Variants in TSHZ2 observed in about 807,000 individuals in gnomAD.
The protein encoded by TSHZ2 is teashirt homolog 2.
TSHZ2 carries 21 observed loss-of-function variants against 74.4 expected under a neutral mutation model. That is an observed-to-expected ratio of 0.28 (90% CI 0.20 to 0.41). TSHZ2 has a LOEUF of 0.41. TSHZ2 is among the 10% of genes least tolerant of loss of function. The pLI is 1.00. For synonymous variants in TSHZ2, 540 were observed against 515.3 expected (o/e 1.05, Z -0.65); for missense variants, 1,244 against 1,293.5 (o/e 0.96, Z 0.59).
intron 2 of TSHZ2, among the ~76,000 whole-genome samples, chr20:53,300,743 T>C (rs1991463222): frequency 6.6e-6 from 1 of 152,166 alleles, no homozygotes; most frequent in Non-Finnish European, 1.5e-5. Context: ...GTTTCAAATA[T>C]GTTTCTGAGA....
chr20:53,184,469 C>T (rs1988554804), intron 1 of TSHZ2, among the ~76,000 whole-genome samples: 1 of 151,984 alleles, frequency 6.6e-6, no homozygotes, highest in Non-Finnish European at 1.5e-5. Context: ...TTTAAAATGA[C>T]AGAAGCAAAA....
chr20:53,081,289 A>G (rs993576034), intron 1 of TSHZ2, among the ~76,000 whole-genome samples: 6 of 152,154 alleles, frequency 3.9e-5, no homozygotes, highest in East Asian at 1.9e-4. Context: ...TCAAACTCCC[A>G]AAGTCCTGAA....
intron 2 of TSHZ2, among the ~76,000 whole-genome samples, chr20:53,432,547 A>T (rs1158970361): frequency 6.6e-6 from 1 of 152,224 alleles, no homozygotes; most frequent in Non-Finnish European, 1.5e-5. Flanking sequence ...AGAAACCTCC[A>T]TACTATTTTC....
At chr20:53,416,086 C>T (rs550228279) in intron 2 of TSHZ2, among the ~76,000 whole-genome samples, 32 of 152,090 alleles carry the variant, frequency 2.1e-4, no homozygotes, top group African/African-American at 6.8e-4. Flanking sequence ...CTGGCACCCA[C>T]GTGAAGGGCA....
chr20:53,263,701 G>A (rs751495890), intron 2 of TSHZ2, among the ~76,000 whole-genome samples: 2 of 152,190 alleles, frequency 1.3e-5, no homozygotes, highest in Admixed American at 6.5e-5. Flanking sequence ...CTGGTGGCAG[G>A]TCAGGTGGAG....
At chr20:52,998,862 TTATC>T (rs1982304415) in intron 1 of TSHZ2, among the ~76,000 whole-genome samples, 1 of 152,210 alleles carries the variant, frequency 6.6e-6, no homozygotes, top group Admixed American at 6.5e-5. Context: ...GCTACTTAGT[TTATC>T]TCTTCAGGAA....
intron 2 of TSHZ2, among the ~76,000 whole-genome samples, chr20:53,322,249 G>C (rs1979298816): frequency 6.6e-6 from 1 of 152,118 alleles, no homozygotes; most frequent in African/African-American, 2.4e-5. Context: ...TCTGAGCCAG[G>C]CACCTGTAAT....
intron 1 of TSHZ2, among the ~76,000 whole-genome samples, chr20:53,136,283 C>G (rs1031109861): frequency 2.0e-5 from 3 of 152,186 alleles, no homozygotes; most frequent in Non-Finnish European, 4.4e-5. Context: ...CTCAATACTG[C>G]CAGGCAGGGG....
At chr20:53,064,958 T>C (rs1173861459) in intron 1 of TSHZ2, among the ~76,000 whole-genome samples, 1 of 152,204 alleles carries the variant, frequency 6.6e-6, no homozygotes, top group African/African-American at 2.4e-5. Flanking sequence ...TAATACATGT[T>C]AATAGACCTA....
chr20:53,030,486 G>A (rs970825538), intron 1 of TSHZ2, among the ~76,000 whole-genome samples: 1 of 152,138 alleles, frequency 6.6e-6, no homozygotes, highest in Non-Finnish European at 1.5e-5. Flanking sequence ...TCAACAGAAG[G>A]TTTTAGGTTG....
intron 2 of TSHZ2, among the ~76,000 whole-genome samples, chr20:53,384,563 C>T (rs1403974074): frequency 6.6e-6 from 1 of 152,150 alleles, no homozygotes; most frequent in Non-Finnish European, 1.5e-5. Context: ...CCTGCCTGAC[C>T]ACTTCCCAGC....
intron 1 of TSHZ2, among the ~76,000 whole-genome samples, chr20:52,996,307 TTTTA>T (rs56169663): frequency 0.092 from 13,426 of 145,224 alleles, 661 homozygotes; most frequent in African/African-American, 0.13. Context: ...CCTTTCAGGT[TTTTA>T]TTTATTTATT....
intron 1 of TSHZ2, among the ~76,000 whole-genome samples, chr20:53,090,925 C>T (rs1985867108): frequency 6.6e-6 from 1 of 152,138 alleles, no homozygotes; most frequent in African/African-American, 2.4e-5. Flanking sequence ...AGACTTGATA[C>T]CATTTAATAT....
intron 1 of TSHZ2, among the ~76,000 whole-genome samples, chr20:53,189,392 A>G (rs1988676466): frequency 1.3e-5 from 2 of 152,208 alleles, no homozygotes; most frequent in South Asian, 2.1e-4. Context: ...TGTGCAAGAA[A>G]TATGGACTCA....
chr20:53,239,316 G>T (rs1158029944), intron 1 of TSHZ2, among the ~76,000 whole-genome samples: 1 of 152,124 alleles, frequency 6.6e-6, no homozygotes, highest in Non-Finnish European at 1.5e-5. Flanking sequence ...ACCCTCTGGG[G>T]GTAAACATCA....
At chr20:53,334,808 C>G (rs568093456) in intron 2 of TSHZ2, among the ~76,000 whole-genome samples, 1 of 152,032 alleles carries the variant, frequency 6.6e-6, no homozygotes, top group Non-Finnish European at 1.5e-5. Flanking sequence ...CTCAGCCTCC[C>G]GAGTGGCTGG....
At chr20:53,130,243 TAGAAAGAAA>T (rs1987066807) in intron 1 of TSHZ2, among the ~76,000 whole-genome samples, 1 of 145,010 alleles carries the variant, frequency 6.9e-6, no homozygotes, top group South Asian at 2.2e-4. Context: ...AAAAAAAAAA[TAGAAAGAAA>T]AGAAAAGAAA....
At chr20:53,145,301 A>G (rs1987512581) in intron 1 of TSHZ2, among the ~76,000 whole-genome samples, 1 of 152,174 alleles carries the variant, frequency 6.6e-6, no homozygotes, top group African/African-American at 2.4e-5. Flanking sequence ...TAGAAATCCC[A>G]TGCATTGGTG....
intron 1 of TSHZ2, among the ~76,000 whole-genome samples, chr20:53,214,030 T>A (rs1989377201): frequency 6.6e-6 from 1 of 152,194 alleles, no homozygotes; most frequent in African/African-American, 2.4e-5. Context: ...GGTGTCGGCC[T>A]TACATTGCTT....
Sources: gnomAD v4.1 joint callset for allele counts (sites outside exome capture counted in the v4.1 genomes callset) on GRCh38, gnomAD v4.1.1 for gene constraint, MANE v1.5 for transcripts, NCBI Gene and HGNC (gene_info 2026-07-23, HGNC 2026-07-21) for gene names.